The following FGF14 variants were observed in gnomAD, a reference collection of about 807,000 sequenced individuals.
FGF14 encodes the protein fibroblast growth factor homologous factor 4.
Under a neutral mutation model 25.5 loss-of-function variants are expected in FGF14, and 5 were observed. The ratio of observed to expected loss-of-function variants is 0.20; its 90% confidence interval spans 0.10 to 0.41. FGF14 has a LOEUF of 0.41. Ranked by LOEUF, FGF14 falls within the 10% of genes least tolerant of loss-of-function variation. The pLI, the probability that FGF14 is intolerant of heterozygous loss-of-function variation, is 1.00. For missense variants in FGF14, 222 were observed against 320.1 expected (o/e 0.69, Z 2.34); for synonymous variants, 138 against 118.3 (o/e 1.17, Z -1.08).
rs2042637535 is a variant in FGF14 at position 102,060,530 on chromosome 13, AAAG to A, written c.209-185237_209-185235del. Among the ~76,000 whole-genome samples the A allele has an allele frequency of 2.0e-5, 3 of 152,376 alleles. No homozygotes were observed. In the South Asian group the frequency reaches 6.2e-4, roughly 32 times the overall value. On this transcript the variant is annotated intron_variant, in intron 1 of 4. Coordinates refer to the FGF14 transcript ENST00000376131. ...AATAGAGCGAGACTCTGTCTCAAAA[AAAG>A]AAGAAATCTAAACTAAACACGTTTT...
chr13:101,896,330 T>G (rs1279050239), intron 1 of FGF14, among the ~76,000 whole-genome samples: 3 of 152,162 alleles, frequency 2.0e-5, no homozygotes, highest in Non-Finnish European at 4.4e-5. Flanking sequence ...CTGTGGCTTT[T>G]GCATTGCGTT....
chr13:102,053,298 T>G (rs573673110), intron 1 of FGF14, among the ~76,000 whole-genome samples: 1 of 152,148 alleles, frequency 6.6e-6, no homozygotes, highest in East Asian at 1.9e-4. Flanking sequence ...TCCAACAATA[T>G]GCTGCCTACA....
At chr13:101,758,347 G>A (rs1028738816) in intron 3 of FGF14, among the ~76,000 whole-genome samples, 6 of 152,166 alleles carry the variant, frequency 3.9e-5, no homozygotes, top group Non-Finnish European at 8.8e-5. Context: ...GGACAGAGTA[G>A]GAGCGAGTTT....
intron 3 of FGF14, among the ~76,000 whole-genome samples, chr13:101,852,252 G>A (rs1040786248): frequency 6.6e-5 from 10 of 151,934 alleles, no homozygotes; most frequent in African/African-American, 9.6e-5. Flanking sequence ...TCAAGAAAAC[G>A]TGGGTCTATG....
chr13:101,939,047 A>G (rs758832846), intron 1 of FGF14, among the ~76,000 whole-genome samples: 2 of 152,192 alleles, frequency 1.3e-5, no homozygotes, highest in Non-Finnish European at 2.9e-5. Flanking sequence ...AGTATTAACC[A>G]GCTCAAAATG....
chr13:101,961,105 A>C (rs2139458301), intron 1 of FGF14, among the ~76,000 whole-genome samples: 1 of 152,132 alleles, frequency 6.6e-6, no homozygotes, highest in Non-Finnish European at 1.5e-5. Context: ...CAGGTGGATA[A>C]ATTGCAAAAG....
intron 1 of FGF14, among the ~76,000 whole-genome samples, chr13:101,976,789 A>T (rs2037954661): frequency 6.6e-6 from 1 of 152,240 alleles, no homozygotes; most frequent in African/African-American, 2.4e-5. Context: ...ATTGAAAGGA[A>T]GATAGCATTA....
chr13:101,760,640 T>C (rs2037961484), intron 3 of FGF14, among the ~76,000 whole-genome samples: 1 of 152,194 alleles, frequency 6.6e-6, no homozygotes, highest in African/African-American at 2.4e-5. Flanking sequence ...ACCTCATCCA[T>C]CCATGTACTC....
At chr13:102,206,818 C>A (rs1316239598) in intron 1 of FGF14, among the ~76,000 whole-genome samples, 1 of 152,114 alleles carries the variant, frequency 6.6e-6, no homozygotes, top group Non-Finnish European at 1.5e-5. Flanking sequence ...GCTTTTCATG[C>A]CATTGCACAC....
intron 1 of FGF14, among the ~76,000 whole-genome samples, chr13:102,227,137 A>G (rs1026700498): frequency 2.0e-5 from 3 of 152,030 alleles, no homozygotes; most frequent in Admixed American, 6.6e-5. Flanking sequence ...AATAAAGCCT[A>G]TATTATTATT....
rs200094201 is a variant in FGF14 at position 101,768,189 on chromosome 13, C to CA, written c.409-41380dup. Among the ~76,000 whole-genome samples the CA allele has an allele frequency of 4.4e-3, 650 of 147,926 alleles. 3 individuals carry two copies. The highest frequency in any genetic ancestry group is 0.013 in the African/African-American group (533 of 40,342). ...CATACTCTGAAAAGACTGAATCAAG[C>CA]AAAAAAAAAGCTTGATGAATGTCCA... On this transcript the variant is annotated intron_variant, in intron 3 of 4. Coordinates refer to ENST00000376143, the MANE Select transcript of FGF14 (RefSeq NM_004115.4).
intron 1 of FGF14, among the ~76,000 whole-genome samples, chr13:101,950,369 C>T (rs1230371980): frequency 6.6e-6 from 1 of 152,198 alleles, no homozygotes; most frequent in Non-Finnish European, 1.5e-5. Context: ...ATCCTTAACT[C>T]AGGACCTCCA....
In FGF14 at chr13:101,898,578, TA is replaced by T. The variant is rs1470537430; in HGVS notation, c.193+17874del. ...TGAAGACTTGGTCATGAGCTTTATA[TA>T]AGAAAAACATCCTCTCTATTTTTGT... On this transcript the variant is annotated intron_variant, in intron 1 of 4. Coordinates refer to ENST00000376143, the MANE Select transcript of FGF14 (RefSeq NM_004115.4). Among the ~76,000 whole-genome samples, 6 of 152,192 alleles carry T rather than the reference TA, an allele frequency of 3.9e-5. No individual in the cohort carries two copies. In the East Asian group the frequency reaches 1.2e-3, roughly 29 times the overall value.
At chr13:102,006,760 C>T (rs1466236696) in intron 1 of FGF14, among the ~76,000 whole-genome samples, 4 of 62,566 alleles carry the variant, frequency 6.4e-5, no homozygotes, top group African/African-American at 2.1e-4. Flanking sequence ...TTTTTTGAGA[C>T]GGAGTCTCGC....
At chr13:102,275,254 CTCTCTCTT>C (rs140370157) in intron 1 of FGF14, among the ~76,000 whole-genome samples, 5,627 of 90,758 alleles carry the variant, frequency 0.062, 342 homozygotes, top group East Asian at 0.22. Flanking sequence ...CTCTCTCTCT[CTCTCTCTT>C]TCTCTCTCTC....
At chr13:101,966,957 A>T (rs1293289115) in intron 1 of FGF14, among the ~76,000 whole-genome samples, 1 of 152,030 alleles carries the variant, frequency 6.6e-6, no homozygotes, top group Non-Finnish European at 1.5e-5. Context: ...CTACGAGTGT[A>T]AGAATTTGGT....
chr13:101,822,782 T>A (rs2042220313), intron 3 of FGF14, among the ~76,000 whole-genome samples: 2 of 152,210 alleles, frequency 1.3e-5, no homozygotes. Context: ...ATAAATTATT[T>A]TAAGTATAGT....
chr13:102,400,335 C>G lies in FGF14; in HGVS notation c.208+1136G>C, dbSNP rs2058673842. Among the ~76,000 whole-genome samples the G allele has an allele frequency of 6.6e-6, 1 of 152,216 alleles. No individual in the cohort carries two copies. Among genetic ancestry groups the G allele is most frequent in the Admixed American group, 6.5e-5 (1 of 15,288 alleles). ...CTGCGGGACGGCCGATCTGCCCGCT[C>G]CCTCCTTCAGACACAACCCCAGACA... is the stretch of plus-strand genomic sequence containing the variant. On this transcript the variant is annotated intron_variant, in intron 1 of 4. Transcript: ENST00000376131. This position sits in a 1 kb window ranked among gnomAD's most constrained non-coding sequence, Gnocchi z 4.3.
intron 1 of FGF14, among the ~76,000 whole-genome samples, chr13:102,027,169 A>T (rs1326263277): frequency 6.6e-6 from 1 of 151,800 alleles, no homozygotes; most frequent in Non-Finnish European, 1.5e-5. Flanking sequence ...CATCTCCCTA[A>T]TTAGCAGGGG....
Sources: allele counts gnomAD v4.1 joint callset (sites outside exome capture counted in the v4.1 genomes callset), GRCh38; gene constraint gnomAD v4.1.1; non-coding constraint Gnocchi (gnomAD v3.1); transcripts MANE v1.5; gene names NCBI Gene and HGNC (gene_info 2026-07-23, HGNC 2026-07-21).